Variants in SV2C observed in about 807,000 individuals in gnomAD.
SV2C encodes synaptic vesicle glycoprotein 2C, also known as solute carrier family 22 member B3.
Under a neutral mutation model 79.7 loss-of-function variants are expected in SV2C, and 49 were observed. That is an observed-to-expected ratio of 0.61 (90% CI 0.49 to 0.78). The LOEUF (loss-of-function observed/expected upper bound fraction) is 0.78, where lower values mean the gene tolerates loss of function less well. Ranked by LOEUF, SV2C falls within the 30% of genes least tolerant of loss-of-function variation. The pLI, the probability that SV2C is intolerant of heterozygous loss-of-function variation, is 0.00. For synonymous variants in SV2C, 334 were observed against 333.2 expected (o/e 1.00, Z -0.03); for missense variants, 833 against 912.9 (o/e 0.91, Z 1.13).
chr5:75,924,517 T>C, the SV2C span, among the ~76,000 whole-genome samples: 1 of 152,188 alleles, frequency 6.6e-6, no homozygotes, highest in Non-Finnish European at 1.5e-5. Flanking sequence ...CCAGATCACA[T>C]AGCTAATAAA....
At chr5:75,996,916 C>G in the SV2C span, among the ~76,000 whole-genome samples, 1 of 131,378 alleles carries the variant, frequency 7.6e-6, no homozygotes, top group African/African-American at 2.8e-5. Flanking sequence ...GATATACAAT[C>G]ATGTCATCTG....
the SV2C span, among the ~76,000 whole-genome samples, chr5:76,004,453 G>T: frequency 1.3e-5 from 2 of 152,134 alleles, no homozygotes; most frequent in Admixed American, 1.3e-4. Flanking sequence ...GAGGGATGAG[G>T]TGTATAAAGC....
chr5:76,174,000 C>A, intron 2 of SV2C: 2 of 1,566,094 alleles, frequency 1.3e-6, no homozygotes, highest in Admixed American at 1.7e-5. Flanking sequence ...GTAAATTGCT[C>A]CGTTCCTGCA....
chr5:75,874,785 C>T, the SV2C span, among the ~76,000 whole-genome samples: 2 of 152,058 alleles, frequency 1.3e-5, no homozygotes, highest in African/African-American at 4.8e-5. Context: ...AGAGCCAAAT[C>T]AGAAAGGCAA....
At chr5:76,060,844 A>C in the SV2C span, among the ~76,000 whole-genome samples, 25 of 152,152 alleles carry the variant, frequency 1.6e-4, no homozygotes, top group South Asian at 6.2e-4. Context: ...CACGAAGCTT[A>C]TTAATATCTA....
chr5:75,882,933 C>T, the SV2C span, among the ~76,000 whole-genome samples: 1 of 151,506 alleles, frequency 6.6e-6, no homozygotes, highest in Non-Finnish European at 1.5e-5. Context: ...ATTTTCGCAA[C>T]CTACTCATCT....
At chr5:76,288,974 G>C (rs1177459693) in intron 6 of SV2C, among the ~76,000 whole-genome samples, 4 of 151,672 alleles carry the variant, frequency 2.6e-5, no homozygotes, top group Non-Finnish European at 5.9e-5. Context: ...CAACCTCCCT[G>C]GCTCAGGTGA....
At chr5:76,297,955 C>T (rs753358829) in intron 9 of SV2C, among the ~76,000 whole-genome samples, 7 of 152,174 alleles carry the variant, frequency 4.6e-5, no homozygotes, top group South Asian at 4.2e-4. Context: ...TACCAGGACA[C>T]GTTAATGAAT....
the SV2C span, among the ~76,000 whole-genome samples, chr5:75,929,134 A>G: frequency 2.0e-5 from 3 of 151,956 alleles, no homozygotes; most frequent in Non-Finnish European, 4.4e-5. Flanking sequence ...TCCTGGCCCA[A>G]CTAGATCCCA....
chr5:76,221,128 C>A (rs947882711), intron 4 of SV2C, among the ~76,000 whole-genome samples: 1 of 152,140 alleles, frequency 6.6e-6, no homozygotes, highest in African/African-American at 2.4e-5. Flanking sequence ...TTAAGTGTGG[C>A]CCTTCCATCC....
intron 2 of SV2C, among the ~76,000 whole-genome samples, chr5:76,147,403 T>C (rs6873987): frequency 0.4 from 60,456 of 151,980 alleles, 12,757 homozygotes; most frequent in Middle Eastern, 0.5. Context: ...GGACAGCCTT[T>C]TCTACTCTGT....
chr5:75,979,716 A>G, the SV2C span, among the ~76,000 whole-genome samples: 2 of 152,118 alleles, frequency 1.3e-5, no homozygotes, highest in Non-Finnish European at 2.9e-5. Context: ...TCTCTGGGAC[A>G]CAGCTAAGGA....
At chr5:75,934,302 CTT>C in the SV2C span, among the ~76,000 whole-genome samples, 17 of 107,800 alleles carry the variant, frequency 1.6e-4, no homozygotes, top group African/African-American at 3.8e-4. Flanking sequence ...TTCTTTCTTT[CTT>C]TTTTTTTTTT....
At chr5:76,132,404 T>C in intron 2 of SV2C, 74 bp downstream of exon 2, 3 of 1,408,268 alleles carry the variant, frequency 2.1e-6, no homozygotes, top group Non-Finnish European at 2.9e-6. Context: ...ACATAGAGAA[T>C]AAATACTTTT....
At position 76,131,831 on chromosome 5, in the gene SV2C, A is replaced by G. The variant is rs2112186441; in HGVS notation, c.81A>G (p.Val27=). Residue 27 remains valine (V), a synonymous_variant, in exon 2 of 13, where the codon GTA becomes GTG. Coordinates refer to ENST00000502798, the MANE Select transcript of SV2C (RefSeq NM_014979.4). ...DIAREVKKQT[V]KKVNQAVDRA... Reference sequence around the variant, plus strand: ...CCAGAGAGGTGAAGAAACAAACAGTAAAGAAGGTGAATCAAGCTGTGGACC... The same window carrying G: ...CCAGAGAGGTGAAGAAACAAACAGTGAAGAAGGTGAATCAAGCTGTGGACC... 1 of 1,614,084 alleles carries G rather than the reference A, an allele frequency of 6.2e-7. No homozygotes were observed. Among genetic ancestry groups the G allele is most frequent in the Non-Finnish European group, 8.5e-7 (1 of 1,179,998 alleles).
chr5:76,208,781 T>C (rs1744684782), intron 3 of SV2C, among the ~76,000 whole-genome samples: 1 of 152,262 alleles, frequency 6.6e-6, no homozygotes, highest in African/African-American at 2.4e-5. Flanking sequence ...TTATGTTGTG[T>C]GTCTTTTTAA....
intron 4 of SV2C, among the ~76,000 whole-genome samples, chr5:76,265,730 C>T (rs372616389): frequency 5.9e-5 from 9 of 152,052 alleles, no homozygotes; most frequent in South Asian, 2.1e-4. Flanking sequence ...CCCCCTCCAC[C>T]GCTCCTTGCA....
chr5:75,873,004 G>A, the SV2C span, among the ~76,000 whole-genome samples: 18 of 151,898 alleles, frequency 1.2e-4, no homozygotes, highest in Admixed American at 3.3e-4. Flanking sequence ...TCTAGGTAAC[G>A]CCTTTTAAAG....
the SV2C span, among the ~76,000 whole-genome samples, chr5:75,960,165 A>G: frequency 0.26 from 38,941 of 151,882 alleles, 6,138 homozygotes; most frequent in Non-Finnish European, 0.37. Flanking sequence ...AACTCAGAGT[A>G]TTTTCTGTAA....
Sources: allele counts gnomAD v4.1 joint callset (sites outside exome capture counted in the v4.1 genomes callset), GRCh38; gene constraint gnomAD v4.1.1; transcripts MANE v1.5; gene names NCBI Gene and HGNC (gene_info 2026-07-23, HGNC 2026-07-21).